The following IL1RAPL1 variants were observed in gnomAD, a reference collection of about 807,000 sequenced individuals.
The protein encoded by IL1RAPL1 is interleukin-1 receptor accessory protein-like 1.
In IL1RAPL1, 3 loss-of-function variants were observed where a neutral mutation model predicts 48.4. The ratio of observed to expected loss-of-function variants is 0.06; its 90% CI spans 0.03 to 0.16. IL1RAPL1 has a LOEUF of 0.16. IL1RAPL1 is among the 10% of genes least tolerant of loss of function. The probability of loss-of-function intolerance (pLI) is 1.00; values close to 1 mark genes in which losing one functional copy is unlikely to be tolerated. For synonymous variants in IL1RAPL1, 185 were observed against 187.7 expected, an observed-to-expected ratio of 0.99 and a Z score of 0.12; for missense variants, 349 against 530.6, an observed-to-expected ratio of 0.66 and a Z score of 3.36.
rs188315036 is a variant in IL1RAPL1, at chrX:29,266,043, T to A, written c.83-16895T>A. 6.6e-3 allele frequency among the ~76,000 whole-genome samples: 736 copies of A among 111,311 alleles called. 9 individuals are homozygous for A. The highest frequency in any genetic ancestry group is 0.021 in the African/African-American group (637 of 30,619). On this transcript the variant is annotated intron_variant, in intron 2 of 10. Transcript: ENST00000378993. ...GGACTGTAAACTAGTTCAACCCTTGTGGAGGTCAGTGTGGCGATTCCTCAG... is the reference window on the plus strand; with the variant it reads ...GGACTGTAAACTAGTTCAACCCTTGAGGAGGTCAGTGTGGCGATTCCTCAG...
chrX:29,332,649 TTTTA>T (rs1209982098), intron 3 of IL1RAPL1, among the ~76,000 whole-genome samples: 117 of 79,736 alleles, frequency 1.5e-3, no homozygotes, highest in African/African-American at 3.3e-3. Context: ...TATTTATTTA[TTTTA>T]TTTTTTTTTT....
chrX:29,517,043 C>T (rs1935453170), intron 5 of IL1RAPL1, among the ~76,000 whole-genome samples: 1 of 111,077 alleles, frequency 9.0e-6, no homozygotes, highest in South Asian at 3.8e-4. Context: ...CAAATGTTTT[C>T]TCCCAACTTA....
intron 6 of IL1RAPL1, among the ~76,000 whole-genome samples, chrX:29,737,284 C>T (rs544815090): frequency 5.6e-4 from 62 of 111,373 alleles, no homozygotes; most frequent in African/African-American, 2.0e-3. Context: ...GGTACACAAT[C>T]AAGATGGTTT....
intron 5 of IL1RAPL1, among the ~76,000 whole-genome samples, chrX:29,541,086 TA>T (rs1378106648): frequency 9.0e-6 from 1 of 111,311 alleles, no homozygotes; most frequent in African/African-American, 3.3e-5. Context: ...TTGGACAAAC[TA>T]AAAACAAATA....
At chrX:29,889,000 T>C in intron 6 of IL1RAPL1, among the ~76,000 whole-genome samples, 1 of 112,104 alleles carries the variant, frequency 8.9e-6, no homozygotes, top group East Asian at 2.8e-4. Flanking sequence ...AAACTAAACT[T>C]TAAAGTTCAA....
intron 2 of IL1RAPL1, among the ~76,000 whole-genome samples, chrX:29,042,394 A>T (rs774632767): frequency 1.8e-5 from 2 of 111,784 alleles, no homozygotes; most frequent in Non-Finnish European, 3.8e-5. Context: ...AATGACTCCA[A>T]GGAACATTAA....
chrX:29,171,834 A>ATG (rs1929913707), intron 2 of IL1RAPL1, among the ~76,000 whole-genome samples: 2 of 111,829 alleles, frequency 1.8e-5, no homozygotes, highest in African/African-American at 6.5e-5. Context: ...AGAAAAAAAA[A>ATG]AGGGACATTT....
In IL1RAPL1 at chrX:28,729,185, C is replaced by G. The variant is rs1176068247; in HGVS notation, c.-24-60135C>G. ...GACTGACCAAAATGCTTTTAAGGGT[C>G]ACATTTATGTTAAAAAATTATATGT... On this transcript the variant is annotated intron_variant, in intron 1 of 10. Coordinates refer to ENST00000378993, the MANE Select transcript of IL1RAPL1 (RefSeq NM_014271.4). Among the ~76,000 whole-genome samples the G allele has an allele frequency of 3.6e-5, 4 of 111,452 alleles. No homozygotes were observed. The Admixed American group carries it at 3.8e-4, about 11-fold the overall frequency.
chrX:28,684,122 C>T (rs976267827), intron 1 of IL1RAPL1, among the ~76,000 whole-genome samples: 10 of 112,323 alleles, frequency 8.9e-5, no homozygotes, highest in Non-Finnish European at 1.9e-4. Context: ...TATATACCCC[C>T]TCTTCTGAGG....
At chrX:29,527,389 G>A (rs1297669299) in intron 5 of IL1RAPL1, among the ~76,000 whole-genome samples, 2 of 80,913 alleles carry the variant, frequency 2.5e-5, no homozygotes, top group East Asian at 8.6e-4. Flanking sequence ...CCAGGCTAGA[G>A]TACAGTGGTG....
At chrX:29,321,055 A>G (rs994039753) in intron 3 of IL1RAPL1, among the ~76,000 whole-genome samples, 3 of 111,530 alleles carry the variant, frequency 2.7e-5, no homozygotes, top group Non-Finnish European at 5.6e-5. Context: ...TTTCTCAAAT[A>G]TTAGTGTGAA....
chrX:28,588,206 ATGTGTGTGTGTGTGTGTGTGTG>A (rs768348078), intron 1 of IL1RAPL1, among the ~76,000 whole-genome samples, 159 bp downstream of exon 1: 1 of 49,927 alleles, frequency 2.0e-5, no homozygotes, highest in African/African-American at 8.5e-5. Context: ...GTGTGTTGAT[ATGTGTGTGTGTGTGTGTGTGTG>A]TGTGTGTGTG....
rs1311317253 is a variant in IL1RAPL1, at chrX:29,168,600, T to C, written c.83-114338T>C. On this transcript the variant is annotated intron_variant, in intron 2 of 10. Transcript: ENST00000378993. ...ACACAATTGTATATATATATTCATA[T>C]ATACAATTGTATATTTATATTCATA... Among the ~76,000 whole-genome samples the C allele has an allele frequency of 3.5e-5, 3 of 85,643 alleles. 1 individual carries two copies. 74.4% of individuals were successfully genotyped at this position (85,643 alleles called of 115,157 possible). A position where few individuals can be genotyped will look rare whatever the true frequency, so the allele number is the denominator to read the frequency against.
At chrX:28,834,850 C>T (rs944654191) in intron 2 of IL1RAPL1, among the ~76,000 whole-genome samples, 2 of 111,608 alleles carry the variant, frequency 1.8e-5, no homozygotes, top group Admixed American at 1.9e-4. Flanking sequence ...AGGCATTGTA[C>T]TATGCCTGCT....
At chrX:29,413,303 C>T (rs1006411353) in intron 5 of IL1RAPL1, among the ~76,000 whole-genome samples, 1 of 111,905 alleles carries the variant, frequency 8.9e-6, no homozygotes, top group African/African-American at 3.3e-5. Flanking sequence ...AGCGTGAGAA[C>T]AGACTAATAC....
intron 6 of IL1RAPL1, among the ~76,000 whole-genome samples, chrX:29,708,970 G>T (rs1927270037): frequency 8.9e-6 from 1 of 111,842 alleles, no homozygotes. Context: ...AGTGATTAGA[G>T]ATGTTGAGCA....
At chrX:29,106,647 A>G (rs1928453260) in intron 2 of IL1RAPL1, among the ~76,000 whole-genome samples, 1 of 111,300 alleles carries the variant, frequency 9.0e-6, no homozygotes, top group Admixed American at 9.6e-5. Context: ...CTTTGTATGT[A>G]TGTGGCATGA....
intron 2 of IL1RAPL1, among the ~76,000 whole-genome samples, chrX:29,282,399 C>T (rs1348933158): frequency 3.6e-5 from 4 of 112,164 alleles, no homozygotes. Context: ...TTAACAGAGA[C>T]CCTCCCTCTA....
chrX:29,506,716 C>T (rs1383964698), intron 5 of IL1RAPL1, among the ~76,000 whole-genome samples: 2 of 102,424 alleles, frequency 2.0e-5, no homozygotes, highest in African/African-American at 7.1e-5. Context: ...AATTTGTTGT[C>T]TTTTTTTTTT....
Sources: gnomAD v4.1 joint callset for allele counts (sites outside exome capture counted in the v4.1 genomes callset) on GRCh38, gnomAD v4.1.1 for gene constraint, MANE v1.5 for transcripts, NCBI Gene and HGNC (gene_info 2026-07-23, HGNC 2026-07-21) for gene names.